TENM4: variants seen among roughly 807,000 people sequenced by gnomAD.
TENM4 encodes teneurin-4.
In TENM4, 82 loss-of-function variants were observed where a neutral mutation model predicts 243.3. The observed-to-expected ratio is 0.34, with a 90% confidence interval of 0.28 to 0.40. The LOEUF is 0.40. TENM4 is among the 10% of genes least tolerant of loss of function. The probability of loss-of-function intolerance (pLI) is 1.00; values close to 1 mark genes in which losing one functional copy is unlikely to be tolerated. For synonymous variants in TENM4, 1,412 were observed against 1,456.3 expected (o/e 0.97, Z 0.69); for missense variants, 3,138 against 3,673.3 (o/e 0.85, Z 3.77).
At chr11:79,332,696 T>C (rs1001692086) in intron 1 of TENM4, among the ~76,000 whole-genome samples, 4 of 152,198 alleles carry the variant, frequency 2.6e-5, no homozygotes, top group Admixed American at 2.6e-4. Context: ...GACTAAGAGC[T>C]TAAGTAGACT....
chr11:79,281,647 C>T (rs570417446), intron 2 of TENM4, among the ~76,000 whole-genome samples: 7 of 152,226 alleles, frequency 4.6e-5, no homozygotes, highest in African/African-American at 1.2e-4. Flanking sequence ...AGGCTCCTAG[C>T]GGGGGTATGC....
chr11:78,762,886 A>G (rs1244479418), intron 18 of TENM4, among the ~76,000 whole-genome samples: 1 of 152,174 alleles, frequency 6.6e-6, no homozygotes, highest in Non-Finnish European at 1.5e-5. Context: ...ATTAAAAGGA[A>G]AAAAAAGCGT....
chr11:79,109,339 G>A (rs758350405), intron 4 of TENM4, among the ~76,000 whole-genome samples: 1 of 152,202 alleles, frequency 6.6e-6, no homozygotes, highest in Non-Finnish European at 1.5e-5. Flanking sequence ...TGATAGCTGT[G>A]AGGGCAGAGG....
chr11:79,074,539 T>C (rs1860489318), intron 4 of TENM4, among the ~76,000 whole-genome samples: 1 of 152,230 alleles, frequency 6.6e-6, no homozygotes, highest in South Asian at 2.1e-4. Flanking sequence ...AGATCTGAAC[T>C]TTCCTTGTCT....
chr11:78,826,891 C>A (rs1020387672), intron 12 of TENM4, among the ~76,000 whole-genome samples: 2 of 152,194 alleles, frequency 1.3e-5, no homozygotes, highest in Non-Finnish European at 2.9e-5. Context: ...ACCCTATGAT[C>A]AGCCACAGGC....
chr11:79,115,374 A>C lies in TENM4; in HGVS notation c.-66+33336T>G, dbSNP rs141146772. Among the ~76,000 whole-genome samples, 1,017 of 152,240 alleles carry C rather than the reference A, an allele frequency of 6.7e-3. 27 individuals carry two copies. The highest frequency in any genetic ancestry group is 0.036 in the East Asian group (187 of 5,178). On this transcript the variant is annotated intron_variant, in intron 4 of 33. Transcript: ENST00000278550. ...TTTTATCTCTTTTCGCCAACTCTCA[A>C]ATCAGCAGAAACCATATTCTACTGA...
chr11:79,208,624 A>C (rs1265745188), intron 3 of TENM4, among the ~76,000 whole-genome samples: 1 of 152,204 alleles, frequency 6.6e-6, no homozygotes, highest in African/African-American at 2.4e-5. Context: ...TGTGACTTAA[A>C]GTCATTGACC....
chr11:79,342,878 C>T (rs1590893976), intron 1 of TENM4, among the ~76,000 whole-genome samples: 1 of 152,224 alleles, frequency 6.6e-6, no homozygotes, highest in East Asian at 1.9e-4. Context: ...CCCTGGCGCC[C>T]TGCAGCTTTG....
At chr11:78,707,251 G>T (rs138203795) in intron 27 of TENM4, among the ~76,000 whole-genome samples, 1 of 152,322 alleles carries the variant, frequency 6.6e-6, no homozygotes, top group Non-Finnish European at 1.5e-5. Flanking sequence ...CCAGGTTTTG[G>T]TAATGTTGGC....
chr11:79,252,342 C>T (rs1855626003), intron 2 of TENM4, among the ~76,000 whole-genome samples: 1 of 152,230 alleles, frequency 6.6e-6, no homozygotes, highest in African/African-American at 2.4e-5. Flanking sequence ...TCACGCCATT[C>T]TCCTGCTTCA....
At chr11:79,052,831 A>G (rs765213209) in intron 6 of TENM4, among the ~76,000 whole-genome samples, 15 of 152,152 alleles carry the variant, frequency 9.9e-5, no homozygotes, top group Non-Finnish European at 2.2e-4. Flanking sequence ...CCCACAGACT[A>G]TTCTGGAGAG....
intron 1 of TENM4, among the ~76,000 whole-genome samples, chr11:79,375,382 T>C (rs1035048301): frequency 2.0e-5 from 3 of 152,240 alleles, no homozygotes; most frequent in African/African-American, 7.2e-5. Context: ...TTTTGATAGA[T>C]TTTCAAGTGA....
intron 14 of TENM4, among the ~76,000 whole-genome samples, chr11:78,806,482 C>A (rs1462757387): frequency 6.6e-6 from 1 of 152,152 alleles, no homozygotes; most frequent in Non-Finnish European, 1.5e-5. Flanking sequence ...GGAGACCAAT[C>A]CAGAAAGAGG....
At chr11:78,872,314 AAAC>A (rs1859154280) in intron 9 of TENM4, among the ~76,000 whole-genome samples, 2 of 152,198 alleles carry the variant, frequency 1.3e-5, no homozygotes, top group South Asian at 2.1e-4. Flanking sequence ...AGGGGTGCTT[AAAC>A]CTAGTACAAT....
intron 4 of TENM4, among the ~76,000 whole-genome samples, chr11:79,123,595 G>GCC (rs1445176914): frequency 7.6e-5 from 9 of 119,050 alleles, no homozygotes; most frequent in South Asian, 2.8e-4. Context: ...AAACGCAGTA[G>GCC]CCCCTTTTTT....
chr11:79,019,084 C>G (rs1470833443), intron 6 of TENM4, among the ~76,000 whole-genome samples: 1 of 152,184 alleles, frequency 6.6e-6, no homozygotes, highest in Non-Finnish European at 1.5e-5. Context: ...AAAAAATACC[C>G]AGAGGCACTT....
At chr11:78,971,434 C>T (rs1857545128) in intron 6 of TENM4, among the ~76,000 whole-genome samples, 1 of 152,060 alleles carries the variant, frequency 6.6e-6, no homozygotes, top group Admixed American at 6.6e-5. Flanking sequence ...TCCCAAGTAG[C>T]TGGGACTATA....
chr11:78,739,749 G>A (rs1855879106), intron 19 of TENM4, among the ~76,000 whole-genome samples: 1 of 152,190 alleles, frequency 6.6e-6, no homozygotes, highest in Non-Finnish European at 1.5e-5. Context: ...TCTCCCTTGG[G>A]GTGATTTTGA....
At chr11:78,961,561 C>T (rs1857321803) in intron 6 of TENM4, among the ~76,000 whole-genome samples, 1 of 152,238 alleles carries the variant, frequency 6.6e-6, no homozygotes. Context: ...GGCATTTAGC[C>T]CTGCAGCTGG....
Sources: allele counts gnomAD v4.1 joint callset (sites outside exome capture counted in the v4.1 genomes callset), GRCh38; gene constraint gnomAD v4.1.1; transcripts MANE v1.5; gene names NCBI Gene and HGNC (gene_info 2026-07-23, HGNC 2026-07-21).